Variants in MECOM observed in about 807,000 individuals in gnomAD.
The protein encoded by MECOM is histone-lysine N-methyltransferase MECOM.
A neutral mutation model predicts 116.3 loss-of-function variants in MECOM; 13 were observed. The ratio of observed to expected loss-of-function variants is 0.11; its 90% confidence interval spans 0.07 to 0.18. The LOEUF is 0.18. Among genes scored for constraint, MECOM ranks in the 10% least tolerant of loss-of-function variants. The pLI is 1.00. For missense variants in MECOM, 1,299 were observed against 1,509.0 expected (o/e 0.86, Z 2.31); for synonymous variants, 528 against 535.2 (o/e 0.99, Z 0.19).
chr3:169,145,418 G>A (rs2149300487), intron 2 of MECOM: 1 of 239,964 alleles, frequency 4.2e-6, no homozygotes, highest in African/African-American at 2.2e-5. Flanking sequence ...TAATAGCAAT[G>A]CACATTTTTA....
chr3:169,565,401 G>A (rs1763118896), intron 1 of MECOM, among the ~76,000 whole-genome samples: 1 of 152,130 alleles, frequency 6.6e-6, no homozygotes, highest in African/African-American at 2.4e-5. Flanking sequence ...GCTTTCCTCG[G>A]ATCCACTGCC....
At chr3:169,589,867 T>A (rs1766199962) in intron 1 of MECOM, among the ~76,000 whole-genome samples, 1 of 152,212 alleles carries the variant, frequency 6.6e-6, no homozygotes, top group Admixed American at 6.5e-5. Context: ...TGAAGAAAAA[T>A]TAGTGTTTCT....
chr3:169,147,706 C>T, intron 2 of MECOM: 1 of 977,792 alleles, frequency 1.0e-6, no homozygotes, highest in African/African-American at 1.9e-5. Flanking sequence ...GTCTTGAAAG[C>T]ACAAGTGTGG....
At chr3:169,182,148 TA>T (rs1350559506) in intron 2 of MECOM, among the ~76,000 whole-genome samples, 3 of 152,188 alleles carry the variant, frequency 2.0e-5, no homozygotes, top group African/African-American at 7.2e-5. Flanking sequence ...CCTCTGAAAG[TA>T]ACTAGTTGAA....
At chr3:169,655,568 C>A (rs948898691) in intron 1 of MECOM, among the ~76,000 whole-genome samples, 1 of 152,092 alleles carries the variant, frequency 6.6e-6, no homozygotes, top group South Asian at 2.1e-4. Flanking sequence ...CCCCTCACCC[C>A]GACTCCAAAT....
intron 1 of MECOM, among the ~76,000 whole-genome samples, chr3:169,530,168 T>C (rs1418198530): frequency 1.3e-5 from 2 of 152,094 alleles, no homozygotes; most frequent in Non-Finnish European, 2.9e-5. Context: ...AAGGAGGGCT[T>C]TCTAAGAAGG....
At chr3:169,450,697 A>C (rs1745422215) in intron 1 of MECOM, among the ~76,000 whole-genome samples, 1 of 152,128 alleles carries the variant, frequency 6.6e-6, no homozygotes, top group Non-Finnish European at 1.5e-5. Context: ...GTGAAAACAC[A>C]CAGATCCTGA....
intron 1 of MECOM, among the ~76,000 whole-genome samples, chr3:169,532,780 T>C (rs1758820808): frequency 6.7e-6 from 1 of 149,942 alleles, no homozygotes; most frequent in Non-Finnish European, 1.5e-5. Flanking sequence ...CACACAAATA[T>C]ACTGAATCTG....
At chr3:169,333,342 G>A (rs1035108318) in intron 2 of MECOM, among the ~76,000 whole-genome samples, 1 of 152,208 alleles carries the variant, frequency 6.6e-6, no homozygotes, top group Middle Eastern at 3.4e-3. Context: ...CAGCGAGAAG[G>A]AGAAAATAGC....
intron 1 of MECOM, among the ~76,000 whole-genome samples, chr3:169,530,064 A>G (rs1277518399): frequency 1.3e-5 from 2 of 152,228 alleles, no homozygotes; most frequent in Non-Finnish European, 2.9e-5. Flanking sequence ...CTGCTGGGGA[A>G]GAACCTAGAA....
At chr3:169,584,561 C>A (rs1438909510) in intron 1 of MECOM, among the ~76,000 whole-genome samples, 1 of 77,236 alleles carries the variant, frequency 1.3e-5, no homozygotes, top group Non-Finnish European at 2.3e-5. Context: ...CGAAACTCCA[C>A]CTCAAAAAAA....
intron 2 of MECOM, among the ~76,000 whole-genome samples, chr3:169,272,883 C>T (rs1200634833): frequency 1.3e-5 from 2 of 152,058 alleles, no homozygotes; most frequent in Non-Finnish European, 2.9e-5. Flanking sequence ...CAGGAGGTCT[C>T]GACCTCACCA....
intron 1 of MECOM, among the ~76,000 whole-genome samples, chr3:169,597,483 G>A (rs1019184058): frequency 6.6e-6 from 1 of 152,236 alleles, no homozygotes; most frequent in Non-Finnish European, 1.5e-5. Flanking sequence ...TATGGGGCCT[G>A]CAGAAAGAAC....
At position 169,427,959 on chromosome 3, in the gene MECOM, C is replaced by G. The variant is rs182841573; in HGVS notation, c.38-46435G>C. Among the ~76,000 whole-genome samples, 23 of 152,280 alleles carry G rather than the reference C, an allele frequency of 1.5e-4. No homozygotes were observed. In the East Asian group the frequency reaches 3.5e-3, roughly 23 times the overall value. On this transcript the variant is annotated intron_variant, in intron 1 of 16. Transcript: ENST00000651503. ...TAAAATGAAGTCACTAAGGTAGGCT[C>G]TAGTCCAATATGACTGGTATCCCTA...
intron 11 of MECOM, among the ~76,000 whole-genome samples, chr3:169,101,193 C>G (rs1723440013): frequency 6.6e-6 from 1 of 152,144 alleles, no homozygotes; most frequent in Admixed American, 6.5e-5. Context: ...TATAAGCAAG[C>G]AATTTATGAA....
intron 15 of MECOM, among the ~76,000 whole-genome samples, 198 bp from the exon 16 acceptor site, chr3:169,089,381 A>G (rs1194433612): frequency 6.6e-6 from 1 of 152,202 alleles, no homozygotes; most frequent in African/African-American, 2.4e-5. Context: ...TAAGATTTTT[A>G]GTAACTAAAG....
At chr3:169,639,066 G>A (rs75331377) in intron 1 of MECOM, among the ~76,000 whole-genome samples, 2,735 of 152,168 alleles carry the variant, frequency 0.018, 81 homozygotes, top group African/African-American at 0.063. Flanking sequence ...ATAAGCTCCT[G>A]GAGGTGAACC....
chr3:169,223,003 T>C (rs1209059826), intron 2 of MECOM, among the ~76,000 whole-genome samples: 1 of 152,134 alleles, frequency 6.6e-6, no homozygotes, highest in African/African-American at 2.4e-5. Flanking sequence ...GAAGAACCAT[T>C]CTGGACCTCA....
At chr3:169,516,905 G>A (rs919594629) in intron 1 of MECOM, among the ~76,000 whole-genome samples, 3 of 152,068 alleles carry the variant, frequency 2.0e-5, no homozygotes, top group African/African-American at 7.2e-5. Flanking sequence ...CCTAAGCAAC[G>A]ACAATAAATA....
Sources: gnomAD v4.1 joint callset for allele counts (sites outside exome capture counted in the v4.1 genomes callset) on GRCh38, gnomAD v4.1.1 for gene constraint, MANE v1.5 for transcripts, NCBI Gene and HGNC (gene_info 2026-07-23, HGNC 2026-07-21) for gene names.